DSCAML1: variants seen among roughly 807,000 people sequenced by gnomAD.
The protein encoded by DSCAML1 is DS cell adhesion molecule like 1.
A neutral mutation model predicts 200.5 loss-of-function variants in DSCAML1; 38 were observed. The ratio of observed to expected loss-of-function variants is 0.19; its 90% CI spans 0.15 to 0.25. The LOEUF (loss-of-function observed/expected upper bound fraction) is 0.25. DSCAML1 is among the 10% of genes least tolerant of loss of function. The pLI is 1.00. For missense variants in DSCAML1, 2,223 were observed against 2,858.8 expected (o/e 0.78, Z 5.07); for synonymous variants, 1,215 against 1,165.0 (o/e 1.04, Z -0.87).
intron 22 of DSCAML1, 126 bp from the exon 23 acceptor site, chr11:117,439,555 T>G (rs1592576737): frequency 7.7e-7 from 1 of 1,296,804 alleles, no homozygotes; most frequent in South Asian, 1.4e-5. Context: ...GCCGGGTTCT[T>G]GGGGCTTTGC....
chr11:117,717,242 C>A (rs1205813692), intron 3 of DSCAML1, among the ~76,000 whole-genome samples: 1 of 152,106 alleles, frequency 6.6e-6, no homozygotes, highest in Non-Finnish European at 1.5e-5. Flanking sequence ...GGCTCCTGTG[C>A]CCACCCTACC....
intron 3 of DSCAML1, among the ~76,000 whole-genome samples, chr11:117,629,541 T>C (rs1049503897): frequency 6.8e-6 from 1 of 146,886 alleles, no homozygotes; most frequent in Non-Finnish European, 1.5e-5. Context: ...TGATGAGAAA[T>C]TACTAAGACA....
In DSCAML1 at chr11:117,652,145, A is replaced by T. The variant is rs137891685; in HGVS notation, c.512-119623T>A. 3.0e-4 allele frequency among the ~76,000 whole-genome samples: 45 copies of T among 152,310 alleles called. No individual in the cohort carries two copies. In the East Asian group the frequency reaches 8.7e-3, roughly 29 times the overall value. ...ACTTATCGAGATCCAGCTGTCCTGGATGCCTTCTAGTAGGGGAAGCCCCAA... is the reference window on the plus strand; with the variant it reads ...ACTTATCGAGATCCAGCTGTCCTGGTTGCCTTCTAGTAGGGGAAGCCCCAA... On this transcript the variant is annotated intron_variant, in intron 3 of 32. Coordinates refer to ENST00000651296, the MANE Select transcript of DSCAML1 (RefSeq NM_020693.4).
At chr11:117,774,918 C>A (rs1467026475) in intron 3 of DSCAML1, among the ~76,000 whole-genome samples, 5 of 152,042 alleles carry the variant, frequency 3.3e-5, no homozygotes, top group Non-Finnish European at 5.9e-5. Context: ...ACAAAGAGAT[C>A]CTGTATGGAA....
At chr11:117,517,145 T>G (rs938468986) in intron 7 of DSCAML1, among the ~76,000 whole-genome samples, 1 of 152,166 alleles carries the variant, frequency 6.6e-6, no homozygotes, top group African/African-American at 2.4e-5. Flanking sequence ...GAGATTTTGT[T>G]GTTTCCATTC....
intron 3 of DSCAML1, among the ~76,000 whole-genome samples, chr11:117,689,088 G>A (rs1399339362): frequency 6.6e-6 from 1 of 152,174 alleles, no homozygotes; most frequent in Non-Finnish European, 1.5e-5. Flanking sequence ...TTTCCGGCAG[G>A]TAACCTCACA....
At chr11:117,444,549 C>G (rs2048138117) in intron 20 of DSCAML1, among the ~76,000 whole-genome samples, 1 of 152,162 alleles carries the variant, frequency 6.6e-6, no homozygotes, top group Admixed American at 6.5e-5. Context: ...GCCCGCCCGT[C>G]CAGGGAGGAG....
chr11:117,450,617 G>T lies in DSCAML1; in HGVS notation c.3640C>A (p.Pro1214Thr). 3 of 1,614,216 alleles carry T rather than the reference G, an allele frequency of 1.9e-6. No individual in the cohort carries two copies. The highest frequency in any genetic ancestry group is 2.5e-6 in the Non-Finnish European group (3 of 1,180,044). Reference sequence around the variant, plus strand: ...CGGATCACCCCGTTGGGCTTGGTAGGGGGGAGCCAAGACACAACCACACTG... The same window carrying T: ...CGGATCACCCCGTTGGGCTTGGTAGTGGGGAGCCAAGACACAACCACACTG... The part of the protein sequence containing the change: ...ASSVVVSWLP[P>T]TKPNGVIRKY... The change falls in exon 20 of 33, where the codon CCT (proline) becomes ACT (threonine). Residue 1214 changes from proline to threonine, a missense_variant. This residue lies in a region of DSCAML1 where 438 missense variants were observed against 629.7 expected (regional missense o/e 0.70). Coordinates refer to ENST00000651296, the MANE Select transcript of DSCAML1 (RefSeq NM_020693.4).
At chr11:117,510,835 C>T (rs1474035903) in intron 8 of DSCAML1, among the ~76,000 whole-genome samples, 5 of 152,198 alleles carry the variant, frequency 3.3e-5, no homozygotes, top group Non-Finnish European at 7.4e-5. Flanking sequence ...GAGTTTGCTT[C>T]CTCCTTTGTT....
chr11:117,464,625 GAGGAAGGCCA>G (rs1440096568), intron 17 of DSCAML1, among the ~76,000 whole-genome samples: 1 of 152,212 alleles, frequency 6.6e-6, no homozygotes, highest in African/African-American at 2.4e-5. Context: ...CAGGAAGAAG[GAGGAAGGCCA>G]AGGGAGAAGC....
chr11:117,793,352 G>A (rs1565288586), intron 1 of DSCAML1, among the ~76,000 whole-genome samples: 1 of 152,244 alleles, frequency 6.6e-6, no homozygotes, highest in Middle Eastern at 3.4e-3. Flanking sequence ...CCAAGATCAC[G>A]GAGGAGGGAA....
intron 3 of DSCAML1, among the ~76,000 whole-genome samples, chr11:117,660,681 G>C (rs1193402620): frequency 6.6e-6 from 1 of 152,184 alleles, no homozygotes; most frequent in Admixed American, 6.5e-5. Context: ...CCCAGCTGCC[G>C]AGAGGGGTCA....
rs1319623546 is a variant in DSCAML1, at chr11:117,769,245, TA to T, written c.511+7545del. On this transcript the variant is annotated intron_variant, in intron 3 of 32. Transcript: ENST00000651296. Reference sequence around the variant, plus strand: ...TATTGTATATATTATATATTTTATATATGTATATATTATATATTTTATATAT... The same window carrying T: ...TATTGTATATATTATATATTTTATATTGTATATATTATATATTTTATATAT... Among the ~76,000 whole-genome samples, 8 of 4,596 alleles carry T rather than the reference TA, an allele frequency of 1.7e-3. No homozygotes were observed. The South Asian group carries it at 0.11, about 65-fold the overall frequency. The allele number at this position is 4,596 out of a possible 152,430, so 3.0% of individuals were successfully genotyped here. A position where few individuals can be genotyped will look rare whatever the true frequency, so the allele number is the denominator to read the frequency against.
At chr11:117,705,960 G>A (rs1019718539) in intron 3 of DSCAML1, among the ~76,000 whole-genome samples, 1 of 152,164 alleles carries the variant, frequency 6.6e-6, no homozygotes, top group African/African-American at 2.4e-5. Flanking sequence ...AGGACTTGGC[G>A]TCAGCTTTTG....
At chr11:117,546,185 C>A (rs978710090) in intron 3 of DSCAML1, among the ~76,000 whole-genome samples, 1 of 152,158 alleles carries the variant, frequency 6.6e-6, no homozygotes, top group Non-Finnish European at 1.5e-5. Context: ...ACTGGAGAGA[C>A]AGGTGTCAGA....
At chr11:117,803,337 A>G (rs2055678736) in intron 1 of DSCAML1, among the ~76,000 whole-genome samples, 2 of 152,136 alleles carry the variant, frequency 1.3e-5, no homozygotes, top group African/African-American at 4.8e-5. Flanking sequence ...TAAAGCTGTG[A>G]GCAGAAGTAA....
intron 3 of DSCAML1, among the ~76,000 whole-genome samples, chr11:117,659,865 T>C (rs1358398627): frequency 6.6e-6 from 1 of 150,630 alleles, no homozygotes; most frequent in African/African-American, 2.5e-5. Flanking sequence ...ATTACAGGTA[T>C]GCGCTACCAG....
chr11:117,607,402 C>T (rs2051589025), intron 3 of DSCAML1, among the ~76,000 whole-genome samples: 1 of 152,218 alleles, frequency 6.6e-6, no homozygotes. Context: ...CTGCCACTGA[C>T]ACCCCTAACA....
chr11:117,756,144 G>A (rs2054687911), intron 3 of DSCAML1, among the ~76,000 whole-genome samples: 1 of 152,204 alleles, frequency 6.6e-6, no homozygotes, highest in Admixed American at 6.5e-5. Context: ...GTGGCTCAGG[G>A]CCCTTTTCTG....
Sources: gnomAD v4.1 joint callset for allele counts (sites outside exome capture counted in the v4.1 genomes callset) on GRCh38, gnomAD v4.1.1 for gene constraint, gnomAD v4.1.1 regional missense constraint, MANE v1.5 for transcripts, NCBI Gene and HGNC (gene_info 2026-07-23, HGNC 2026-07-21) for gene names.